The following CACNA1D variants were observed in gnomAD, a reference collection of about 807,000 sequenced individuals.
The protein encoded by CACNA1D is voltage-dependent L-type calcium channel subunit alpha-1D.
CACNA1D carries 55 observed loss-of-function variants against 257.1 expected under a neutral mutation model. The observed-to-expected ratio is 0.21, with a 90% CI of 0.17 to 0.27. The LOEUF (loss-of-function observed/expected upper bound fraction) is 0.27, where lower values mean the gene tolerates loss of function less well. Ranked by LOEUF, CACNA1D falls within the 10% of genes least tolerant of loss-of-function variation. The pLI, the probability that CACNA1D is intolerant of heterozygous loss-of-function variation, is 1.00. For synonymous variants in CACNA1D, 980 were observed against 1,014.9 expected (o/e 0.97, Z 0.65); for missense variants, 1,876 against 2,784.0 (o/e 0.67, Z 7.34).
At chr3:53,653,325 A>T (rs2094116957) in intron 4 of CACNA1D, among the ~76,000 whole-genome samples, 1 of 152,228 alleles carries the variant, frequency 6.6e-6, no homozygotes, top group Non-Finnish European at 1.5e-5. Context: ...AAGGAAGACA[A>T]CAAAATCCAG....
rs2095230534 is a variant in CACNA1D at position 53,752,025 on chromosome 3, T to C, written c.3675+118T>C. ...AGGGGTTTGATTTTTCTGATGAGTC[T>C]GGGCTATAGGTTGGCCAGAGTTCTG... On this transcript the variant is annotated intron_variant, in intron 28 of 47. Coordinates refer to ENST00000350061, the MANE Select transcript of CACNA1D (RefSeq NM_001128840.3). 4.0e-6 allele frequency: 4 copies of C among 988,448 alleles called. No homozygotes were observed. The Admixed American group carries it at 5.1e-5, about 13-fold the overall frequency. 61.2% of individuals were successfully genotyped at this position (988,448 alleles called of 1,614,324 possible). A position where few individuals can be genotyped will look rare whatever the true frequency, so the allele number is the denominator to read the frequency against.
intron 14 of CACNA1D, 80 bp downstream of exon 14, chr3:53,724,079 C>T: frequency 8.7e-7 from 1 of 1,145,352 alleles, no homozygotes; most frequent in Non-Finnish European, 1.3e-6. Flanking sequence ...TGCTCACACT[C>T]AGGAAGACAA....
chr3:53,791,087 G>C lies in CACNA1D; in HGVS notation c.4923+4135G>C, dbSNP rs2095480281. 5.7e-6 allele frequency: 4 copies of C among 698,918 alleles called. No homozygotes were observed. In the South Asian group the frequency reaches 6.0e-5, roughly 10 times the overall value. The allele number at this position is 698,918 out of a possible 1,614,324, so 43.3% of individuals were successfully genotyped here. ...CTTGAAAGGGAAAAGTCTCAAGTGGGCTTATTTCTACTGAAACAGCATTTC... is the reference window on the plus strand; with the variant it reads ...CTTGAAAGGGAAAAGTCTCAAGTGGCCTTATTTCTACTGAAACAGCATTTC... On this transcript the variant is annotated intron_variant, in intron 40 of 47. Transcript: ENST00000350061.
intron 37 of CACNA1D, 133 bp from the exon 38 acceptor site, chr3:53,779,893 C>T: frequency 2.7e-6 from 2 of 740,558 alleles, no homozygotes; most frequent in South Asian, 2.9e-5. Flanking sequence ...TGCGTACCCC[C>T]AAATGGCTGT....
chr3:53,720,442 G>A lies in CACNA1D; in HGVS notation c.1505+661G>A, dbSNP rs567906203. On this transcript the variant is annotated intron_variant, in intron 11 of 47. Transcript: ENST00000350061. The stretch of plus-strand genomic sequence containing the variant: ...TGGTCTTTGTCAAAATTAAACTTCT[G>A]TTCTTCAAAAGAAAAGAAAAAGGTT... Among the ~76,000 whole-genome samples, 5 of 152,188 alleles carry A rather than the reference G, an allele frequency of 3.3e-5. No individual in the cohort carries two copies. In the South Asian group the frequency reaches 1.0e-3, roughly 32 times the overall value.
intron 3 of CACNA1D, among the ~76,000 whole-genome samples, chr3:53,508,160 T>C (rs2090937133): frequency 6.6e-6 from 1 of 152,186 alleles, no homozygotes; most frequent in South Asian, 2.1e-4. Flanking sequence ...AATTTTATTT[T>C]ATTTTAAGTT....
intron 22 of CACNA1D, 22 bp downstream of exon 22, chr3:53,743,139 C>T (rs375154238): frequency 1.5e-5 from 22 of 1,455,458 alleles, no homozygotes; most frequent in Non-Finnish European, 1.9e-5. Context: ...GGGGTGTGTG[C>T]CCAGAATTGT....
At chr3:53,620,458 A>G (rs2093684266) in intron 3 of CACNA1D, among the ~76,000 whole-genome samples, 1 of 151,866 alleles carries the variant, frequency 6.6e-6, no homozygotes, top group Non-Finnish European at 1.5e-5. Flanking sequence ...CTGGCTATAT[A>G]TTTTTTCTGT....
intron 40 of CACNA1D, among the ~76,000 whole-genome samples, chr3:53,788,609 A>G (rs768789517): frequency 6.6e-6 from 1 of 152,186 alleles, no homozygotes; most frequent in Non-Finnish European, 1.5e-5. Flanking sequence ...GGAGTGATGA[A>G]CATGCTTCTG....
chr3:53,618,274 G>A (rs576001180), intron 3 of CACNA1D, among the ~76,000 whole-genome samples: 1 of 152,296 alleles, frequency 6.6e-6, no homozygotes, highest in South Asian at 2.1e-4. Flanking sequence ...GGTCGCCCAG[G>A]TGCTGGCAGT....
chr3:53,625,141 G>A (rs2093742259), intron 3 of CACNA1D, among the ~76,000 whole-genome samples: 1 of 152,118 alleles, frequency 6.6e-6, no homozygotes, highest in Admixed American at 6.5e-5. Flanking sequence ...TTGGGTATAG[G>A]GCATCTATGA....
intron 3 of CACNA1D, among the ~76,000 whole-genome samples, chr3:53,558,248 T>C (rs1575862154): frequency 1.3e-5 from 2 of 152,316 alleles, no homozygotes; most frequent in South Asian, 4.1e-4. Context: ...CTTTGTGTGG[T>C]TTTTGGTATC....
chr3:53,657,960 C>T (rs2094164534), intron 4 of CACNA1D, among the ~76,000 whole-genome samples: 1 of 152,212 alleles, frequency 6.6e-6, no homozygotes, highest in South Asian at 2.1e-4. Context: ...ACTCTTATCC[C>T]ATGCCTCCAA....
intron 3 of CACNA1D, among the ~76,000 whole-genome samples, chr3:53,631,904 A>G (rs913480492): frequency 2.0e-5 from 3 of 152,230 alleles, no homozygotes; most frequent in African/African-American, 4.8e-5. Flanking sequence ...CAGCTGTGCT[A>G]TAAACAGATG....
Position 53,744,933 on chromosome 3 carries a change from G to T in CACNA1D, c.3006+106G>T, listed in dbSNP as rs569856155. 5.5e-5 allele frequency: 40 copies of T among 726,712 alleles called. No homozygotes were observed. The South Asian group carries it at 5.6e-4, about 10-fold the overall frequency. 45.0% of individuals were successfully genotyped at this position (726,712 alleles called of 1,614,324 possible). ...CTGAGGCCTGATGGATTTTTAAAGT[G>T]AGTTATAAGGACCTTTCTAACCAAT... is the stretch of plus-strand genomic sequence containing the variant. On this transcript the variant is annotated intron_variant, in intron 23 of 47. Transcript: ENST00000350061.
At chr3:53,741,407 TATAAA>T (rs2095116828) in intron 21 of CACNA1D, among the ~76,000 whole-genome samples, 1 of 152,246 alleles carries the variant, frequency 6.6e-6, no homozygotes. Flanking sequence ...CAAAATCTTA[TATAAA>T]ATGAAACCTC....
chr3:53,578,969 G>A (rs2093084958), intron 3 of CACNA1D, among the ~76,000 whole-genome samples: 1 of 152,134 alleles, frequency 6.6e-6, no homozygotes, highest in African/African-American at 2.4e-5. Context: ...GGGAGTAAAG[G>A]GCCCAGACGA....
intron 7 of CACNA1D, among the ~76,000 whole-genome samples, chr3:53,666,918 G>A (rs1442178514): frequency 6.6e-6 from 1 of 152,084 alleles, no homozygotes; most frequent in Non-Finnish European, 1.5e-5. Context: ...CACAGGCTAA[G>A]GTTAATCATT....
chr3:53,497,253 A>G lies in CACNA1D; in HGVS notation c.169A>G (p.Ile57Val), dbSNP rs762132463. The G allele has an allele frequency of 3.1e-6, 5 of 1,614,188 alleles. No individual in the cohort carries two copies. Among genetic ancestry groups the G allele is most frequent in the East Asian group, 2.2e-5 (1 of 44,892 alleles). Reference protein sequence around the residue: ...KQTVLSWQAAIDAARQAKAAQ... With the variant: ...KQTVLSWQAAVDAARQAKAAQ... ...AACTGTCCTGTCTTGGCAAGCTGCAATCGATGCTGCTAGACAGGCCAAGGC... is the reference window on the plus strand; with the variant it reads ...AACTGTCCTGTCTTGGCAAGCTGCAGTCGATGCTGCTAGACAGGCCAAGGC... The change falls in exon 2 of 48, where the codon ATC (isoleucine) becomes GTC (valine). Residue 57 changes from isoleucine (I) to valine (V), a missense_variant. Physicochemically the swap from Ile to Val is conservative, Grantham distance 29. Transcript: ENST00000350061.
Sources: gnomAD v4.1 joint callset for allele counts (sites outside exome capture counted in the v4.1 genomes callset) on GRCh38, gnomAD v4.1.1 for gene constraint, MANE v1.5 for transcripts, NCBI Gene and HGNC (gene_info 2026-07-23, HGNC 2026-07-21) for gene names.